The following CYBA variants were observed in gnomAD, a reference collection of about 807,000 sequenced individuals.
CYBA encodes cytochrome b-245 alpha chain, also known as cytochrome b-245 light chain.
In CYBA, 21 loss-of-function variants were observed where a neutral mutation model predicts 20.8. The ratio of observed to expected loss-of-function variants is 1.01; its 90% CI spans 0.72 to 1.46. The LOEUF (loss-of-function observed/expected upper bound fraction) is 1.46. CYBA is among the 40% of genes most tolerant of loss of function. The pLI, the probability that CYBA is intolerant of heterozygous loss-of-function variation, is 0.00. For missense variants in CYBA, 344 were observed against 287.0 expected (o/e 1.20, Z -1.43); for synonymous variants, 164 against 127.5 (o/e 1.29, Z -1.93).
At position 88,650,981 on chromosome 16, in the gene CYBA, G is replaced by A. The variant is rs568720786; in HGVS notation, c.33C>T (p.Asn11=). The change falls in exon 1 of 6, where the codon AAC becomes AAT. Residue 11 remains asparagine (N), a synonymous_variant. Coordinates refer to ENST00000261623, the MANE Select transcript of CYBA (RefSeq NM_000101.4). ...TCAGGCCGGACGCCAGCGCCTGTTC[G>A]TTGGCCCACATGGCCCACTCGATCT... The part of the protein sequence containing the change: MGQIEWAMWA[N]EQALASGLIL... The A allele has an allele frequency of 1.9e-6, 3 of 1,596,876 alleles. No homozygotes were observed. The highest frequency in any genetic ancestry group is 2.3e-5 in the East Asian group (1 of 43,782).
At chr16:88,648,208 C>T (rs1907359870) in intron 1 of CYBA, 94 bp from the exon 2 acceptor site, 5 of 1,198,154 alleles carry the variant, frequency 4.2e-6, no homozygotes, top group Non-Finnish European at 6.0e-6. Flanking sequence ...CCAGGCCACC[C>T]AGAGCTGCCC....
intron 1 of CYBA, among the ~76,000 whole-genome samples, chr16:88,649,126 A>T (rs180814716): frequency 2.0e-5 from 3 of 148,352 alleles, no homozygotes; most frequent in African/African-American, 5.0e-5. Flanking sequence ...TTTAGTAGAG[A>T]CGGGGTTTCA....
chr16:88,650,116 G>A (rs1319040108), intron 1 of CYBA: 2 of 316,632 alleles, frequency 6.3e-6, no homozygotes, highest in Admixed American at 4.1e-5. Flanking sequence ...AGCCCCAGGG[G>A]AGTGGTGGCA....
chr16:88,647,270 G>C, intron 2 of CYBA, 95 bp from the exon 3 acceptor site: 2 of 1,212,912 alleles, frequency 1.6e-6, no homozygotes, highest in Non-Finnish European at 2.4e-6. Flanking sequence ...GCCCGAGCAC[G>C]GTGGCTCATG....
chr16:88,646,705 C>A (rs375705602), intron 4 of CYBA, 50 bp downstream of exon 4: 1 of 1,518,204 alleles, frequency 6.6e-7, no homozygotes, highest in Non-Finnish European at 9.1e-7. Context: ...TGGGGAGGGT[C>A]GGCTCCAAGC....
chr16:88,646,058 T>A, intron 5 of CYBA, 58 bp downstream of exon 5: 1 of 1,421,860 alleles, frequency 7.0e-7, no homozygotes, highest in Non-Finnish European at 9.6e-7. Flanking sequence ...TCCGAGGGTG[T>A]CAGGGCAGGG....
intron 5 of CYBA, chr16:88,644,962 C>A: frequency 3.4e-6 from 2 of 593,970 alleles, no homozygotes; most frequent in East Asian, 2.8e-5. Flanking sequence ...AAGCTCCACA[C>A]GGCCAGCTCG....
At chr16:88,646,492 G>T in intron 4 of CYBA, 2 of 697,946 alleles carry the variant, frequency 2.9e-6, no homozygotes, top group East Asian at 5.4e-5. Context: ...GGAAGCCCAG[G>T]CAAGACCCCC....
intron 5 of CYBA, chr16:88,645,625 G>C (rs1907249400): frequency 1.7e-6 from 1 of 596,632 alleles, no homozygotes; most frequent in African/African-American, 1.9e-5. Context: ...GTATCCCATG[G>C]GATGGGCAGC....
At position 88,646,098 on chromosome 16, in the gene CYBA, T is replaced by G. The variant is rs1417703902; in HGVS notation, c.369+18A>C. The G allele has an allele frequency of 3.2e-6, 5 of 1,545,670 alleles. No homozygotes were observed. The highest frequency in any genetic ancestry group is 4.4e-6 in the Non-Finnish European group (5 of 1,146,158). On this transcript the variant is annotated intron_variant, in intron 5 of 5. Transcript: ENST00000261623. The stretch of plus-strand genomic sequence containing the variant: ...GGGATGGGGGTGGCCGGGGCCGACC[T>G]CAGAGGGCGCCACTCACCAGTAGGT...
chr16:88,648,217 C>T, intron 1 of CYBA, 103 bp from the exon 2 acceptor site: 1 of 1,080,520 alleles, frequency 9.3e-7, no homozygotes, highest in Non-Finnish European at 1.4e-6. Context: ...CCAGAGCTGC[C>T]CCCTACCCAT....
At position 88,643,614 on chromosome 16, in the gene CYBA, C is replaced by A. The variant is rs1399784806; in HGVS notation, c.370-43G>T. On this transcript the variant is annotated intron_variant, in intron 5 of 5. Coordinates refer to ENST00000261623, the MANE Select transcript of CYBA (RefSeq NM_000101.4). This position sits in a 1 kb window ranked among gnomAD's most constrained non-coding sequence, Gnocchi z 4.3. ...GTTGAGCCGCGCCCCAGCGCCCGCCCTCCCTCCCTCCCTCCCTCCCCGGAG... is the reference window on the plus strand; with the variant it reads ...GTTGAGCCGCGCCCCAGCGCCCGCCATCCCTCCCTCCCTCCCTCCCCGGAG... 1 of 1,427,272 alleles carries A rather than the reference C, an allele frequency of 7.0e-7. No individual in the cohort carries two copies. 88.4% of individuals were successfully genotyped at this position (1,427,272 alleles called of 1,614,324 possible).
chr16:88,645,775 C>A (rs138484750), intron 5 of CYBA: 466 of 537,882 alleles, frequency 8.7e-4, no homozygotes, highest in Non-Finnish European at 1.3e-3. Flanking sequence ...CAAGCGCAGG[C>A]ACGGTCTTCG....
In CYBA at chr16:88,643,614, C is replaced by G; in HGVS notation, c.370-43G>C. The G allele has an allele frequency of 7.0e-7, 1 of 1,427,272 alleles. No individual in the cohort carries two copies. Among genetic ancestry groups the G allele is most frequent in the South Asian group, 1.3e-5 (1 of 79,716 alleles). The allele number at this position is 1,427,272 out of a possible 1,614,324, so 88.4% of individuals were successfully genotyped here. On this transcript the variant is annotated intron_variant, in intron 5 of 5. Coordinates refer to ENST00000261623, the MANE Select transcript of CYBA (RefSeq NM_000101.4). The surrounding 1 kb of genome is among the most constrained non-coding windows in gnomAD (Gnocchi z 4.3). ...GTTGAGCCGCGCCCCAGCGCCCGCC[C>G]TCCCTCCCTCCCTCCCTCCCCGGAG...
At chr16:88,647,950 T>C in intron 2 of CYBA, 95 bp downstream of exon 2, 1 of 1,214,044 alleles carries the variant, frequency 8.2e-7, no homozygotes, top group South Asian at 1.3e-5. Flanking sequence ...CTGGCTGCGG[T>C]GGTGGGGAGC....
Position 88,643,723 on chromosome 16 carries a change from G to C in CYBA, c.370-152C>G. The C allele has an allele frequency of 1.3e-6, 1 of 758,128 alleles. No individual in the cohort carries two copies. Among genetic ancestry groups the C allele is most frequent in the South Asian group, 1.7e-5 (1 of 60,186 alleles). The allele number at this position is 758,128 out of a possible 1,614,324, so 47.0% of individuals were successfully genotyped here. On this transcript the variant is annotated intron_variant, in intron 5 of 5. Coordinates refer to ENST00000261623, the MANE Select transcript of CYBA (RefSeq NM_000101.4). The surrounding 1 kb of genome is among the most constrained non-coding windows in gnomAD (Gnocchi z 4.3). ...TGACTGCCACTCAGAGAGGTTAAGT[G>C]ACGCGCCCGAGGCCACACAGCCAGG...
chr16:88,648,130 G>A lies in CYBA; in HGVS notation c.59-16C>T. 6.2e-7 allele frequency: 1 copy of A among 1,607,546 alleles called. No individual in the cohort carries two copies. The highest frequency in any genetic ancestry group is 1.1e-5 in the South Asian group (1 of 89,846). ...GTGATGAGGACTGCGGGGAGAAGTG[G>A]GTCAGGCACTGTGGGGCTCCCGTCC... On this transcript the variant is annotated splice_polypyrimidine_tract_variant and intron_variant, in intron 1 of 5. Transcript: ENST00000261623.
rs1907509049 is a variant in CYBA, at chr16:88,651,001, C to G, written c.13G>C (p.Glu5Gln). 6.3e-7 allele frequency: 1 copy of G among 1,597,474 alleles called. No individual in the cohort carries two copies. The highest frequency in any genetic ancestry group is 8.5e-7 in the Non-Finnish European group (1 of 1,173,714). The change falls in exon 1 of 6, where the codon GAG becomes CAG. Residue 5 changes from glutamate to glutamine, a missense_variant. By Grantham distance (29) the Glu-to-Gln change is conservative. Coordinates refer to ENST00000261623, the MANE Select transcript of CYBA (RefSeq NM_000101.4). MGQIEWAMWANEQAL... is the reference protein window; with the variant it reads MGQIQWAMWANEQAL... ...TGTTCGTTGGCCCACATGGCCCACT[C>G]GATCTGCCCCATGGCGACACGAACC... is the stretch of plus-strand genomic sequence containing the variant.
intron 2 of CYBA, chr16:88,647,816 G>T (rs1722742564): frequency 1.6e-6 from 1 of 608,926 alleles, no homozygotes; most frequent in Non-Finnish European, 3.0e-6. Flanking sequence ...GACACCCCCT[G>T]CCCACCACTC....
Sources: allele counts gnomAD v4.1 joint callset (sites outside exome capture counted in the v4.1 genomes callset), GRCh38; gene constraint gnomAD v4.1.1; non-coding constraint Gnocchi (gnomAD v3.1); transcripts MANE v1.5; gene names NCBI Gene and HGNC (gene_info 2026-07-23, HGNC 2026-07-21).